The following UBN1 variants were observed in gnomAD, a reference collection of about 807,000 sequenced individuals.
UBN1 encodes ubinuclein 1.
A neutral mutation model predicts 108.5 loss-of-function variants in UBN1; 17 were observed. That is an observed-to-expected ratio of 0.16 (90% confidence interval 0.11 to 0.24). UBN1 has a LOEUF of 0.24. Among genes scored for constraint, UBN1 ranks in the 10% least tolerant of loss-of-function variants. UBN1 has a pLI of 1.00. For synonymous variants in UBN1, 726 were observed against 564.2 expected, an observed-to-expected ratio of 1.29 and a Z score of -4.07; for missense variants, 1,595 against 1,394.4, an observed-to-expected ratio of 1.14 and a Z score of -2.29.
chr16:4,849,034 AG>A (rs2086376366), intron 1 of UBN1, among the ~76,000 whole-genome samples: 1 of 152,152 alleles, frequency 6.6e-6, no homozygotes, highest in East Asian at 1.9e-4. Flanking sequence ...CGGGAAGCGG[AG>A]GTTGCCGTGA....
chr16:4,868,307 C>A (rs767100544), intron 7 of UBN1, among the ~76,000 whole-genome samples: 1 of 152,156 alleles, frequency 6.6e-6, no homozygotes, highest in Non-Finnish European at 1.5e-5. Flanking sequence ...GTTAATTATT[C>A]ACATGGTCTG....
chr16:4,875,067 C>G lies in UBN1; in HGVS notation c.2657C>G (p.Pro886Arg). ...PASSSSALSH[P>R]AKPHSVSSAG... ...TCGTCCTCTTCTGCCCTGAGCCATC[C>G]AGCAAAGCCACATTCAGTCAGCTCT... is the stretch of plus-strand genomic sequence containing the variant. Residue 886 changes from proline to arginine, a missense_variant, in exon 15 of 18, where the codon CCA becomes CGA. This residue lies in a region of UBN1 where 1,398 missense variants were observed against 1,194.7 expected (regional missense o/e 1.17). Coordinates refer to ENST00000262376, the MANE Select transcript of UBN1 (RefSeq NM_001079514.3). 1 of 1,614,032 alleles carries G rather than the reference C, an allele frequency of 6.2e-7. No homozygotes were observed. Among genetic ancestry groups the G allele is most frequent in the Non-Finnish European group, 8.5e-7 (1 of 1,180,042 alleles).
chr16:4,867,010 C>T (rs1174986529), intron 7 of UBN1, among the ~76,000 whole-genome samples: 1 of 152,186 alleles, frequency 6.6e-6, no homozygotes, highest in African/African-American at 2.4e-5. Context: ...TCGCCGGCCT[C>T]CTGGGGAAGA....
In UBN1 at chr16:4,874,783, C is replaced by T. The variant is rs758003504; in HGVS notation, c.2373C>T (p.His791=). Residue 791 remains histidine (H), a synonymous_variant, in exon 15 of 18, where the codon CAC becomes CAT. Transcript: ENST00000262376. ...ACCACAGCTTGCCACGGACGTCTCA[C>T]GGGCCCCAAGTGGCAGTTCCTGTGC... is the stretch of plus-strand genomic sequence containing the variant. ...AKHHSLPRTS[H]GPQVAVPVPG... is the part of the protein sequence containing the mutation. 30 of 1,613,970 alleles carry T rather than the reference C, an allele frequency of 1.9e-5. No individual in the cohort carries two copies. Among genetic ancestry groups the T allele is most frequent in the East Asian group, 4.5e-5 (2 of 44,888 alleles).
chr16:4,873,251 A>T (rs2087728898), intron 14 of UBN1, among the ~76,000 whole-genome samples, 178 bp downstream of exon 14: 1 of 152,150 alleles, frequency 6.6e-6, no homozygotes, highest in Non-Finnish European at 1.5e-5. Flanking sequence ...ACCCCCCTCT[A>T]GCCTTGGTTC....
intron 2 of UBN1, among the ~76,000 whole-genome samples, chr16:4,857,313 T>C (rs564837687): frequency 6.7e-6 from 1 of 149,790 alleles, no homozygotes; most frequent in South Asian, 2.1e-4. Context: ...ATTGTGCCAC[T>C]GCACTGCAGC....
At chr16:4,871,390 C>T in intron 12 of UBN1, 89 bp downstream of exon 12, 2 of 1,526,124 alleles carry the variant, frequency 1.3e-6, no homozygotes, top group Non-Finnish European at 1.8e-6. Context: ...TCCTTGCTCA[C>T]AGGGAGTCAC....
In UBN1 at chr16:4,877,012, C is replaced by T. The variant is rs1246241401; in HGVS notation, c.3166C>T (p.Leu1056Phe). 4 of 1,614,202 alleles carry T rather than the reference C, an allele frequency of 2.5e-6. No individual in the cohort carries two copies. The highest frequency in any genetic ancestry group is 3.4e-6 in the Non-Finnish European group (4 of 1,180,044). The part of the protein sequence containing the change: ...ITPVPIPVHV[L>F]SFSADSSAKA... ...CCCTGTCCCTATTCCTGTCCATGTG[C>T]TCTCCTTCAGCGCTGACTCCTCTGC... Residue 1056 changes from leucine to phenylalanine, a missense_variant, in exon 16 of 18, where the codon CTC becomes TTC. Transcript: ENST00000262376. The surrounding 1 kb of genome is among the most constrained non-coding windows in gnomAD (Gnocchi z 4.3).
At chr16:4,853,273 T>G in intron 2 of UBN1, 107 bp downstream of exon 2, 2 of 1,452,646 alleles carry the variant, frequency 1.4e-6, no homozygotes, top group South Asian at 1.4e-5. Flanking sequence ...AGGTTTTGGC[T>G]GCCCCAAGAT....
chr16:4,871,377 G>C (rs564521755), intron 12 of UBN1, 76 bp downstream of exon 12: 1 of 1,548,588 alleles, frequency 6.5e-7, no homozygotes, highest in East Asian at 2.3e-5. Context: ...CAGGCCAACA[G>C]GATCCTTGCT....
chr16:4,855,485 G>A (rs1181146720), intron 2 of UBN1, among the ~76,000 whole-genome samples: 1 of 151,756 alleles, frequency 6.6e-6, no homozygotes, highest in African/African-American at 2.4e-5. Flanking sequence ...GCATGATGGT[G>A]CATGCCTGAA....
chr16:4,870,465 G>C, intron 9 of UBN1, 51 bp from the exon 10 acceptor site: 1 of 1,613,100 alleles, frequency 6.2e-7, no homozygotes, highest in Non-Finnish European at 8.5e-7. Context: ...TGCGTCCTGA[G>C]CGTAAGAGCG....
intron 2 of UBN1, among the ~76,000 whole-genome samples, chr16:4,854,860 C>G (rs2086725925): frequency 2.0e-5 from 3 of 151,244 alleles, no homozygotes; most frequent in Admixed American, 6.6e-5. Context: ...GTAGCTGGGA[C>G]TACAGGCGCC....
At chr16:4,849,578 G>C (rs547980493) in intron 1 of UBN1, among the ~76,000 whole-genome samples, 129 of 151,434 alleles carry the variant, frequency 8.5e-4, no homozygotes, top group African/African-American at 3.0e-3. Context: ...GTTTTTAAAG[G>C]GGGATCTTTG....
intron 2 of UBN1, among the ~76,000 whole-genome samples, chr16:4,853,712 C>T (rs955871202): frequency 2.6e-5 from 4 of 152,084 alleles, no homozygotes; most frequent in Non-Finnish European, 5.9e-5. Context: ...CAGGTGCACG[C>T]CACCACACCC....
At chr16:4,870,181 C>T (rs908475022) in intron 8 of UBN1, 31 bp from the exon 9 acceptor site, 3 of 1,613,240 alleles carry the variant, frequency 1.9e-6, no homozygotes, top group Non-Finnish European at 8.5e-7. Flanking sequence ...CAGTGAGCTG[C>T]AGCCGGTGGT....
At position 4,877,934 on chromosome 16, in the gene UBN1, T is replaced by A; in HGVS notation, c.3355+460T>A. 2 of 764,720 alleles carry A rather than the reference T, an allele frequency of 2.6e-6. No homozygotes were observed. The highest frequency in any genetic ancestry group is 1.6e-6 in the Non-Finnish European group (1 of 628,588). 47.4% of individuals were successfully genotyped at this position (764,720 alleles called of 1,614,324 possible). A position where few individuals can be genotyped will look rare whatever the true frequency, so the allele number is the denominator to read the frequency against. ...AAGGCTCTCTAAACTTTGTTTCCAT[T>A]AAAGGGAAAATCCAGGTAGCAGCCA... On this transcript the variant is annotated intron_variant, in intron 17 of 17. Coordinates refer to ENST00000262376, the MANE Select transcript of UBN1 (RefSeq NM_001079514.3). This position sits in a 1 kb window ranked among gnomAD's most constrained non-coding sequence, Gnocchi z 4.3.
chr16:4,877,266 G>A lies in UBN1; in HGVS notation c.3266-119G>A, dbSNP rs1291118174. 2 of 1,514,704 alleles carry A rather than the reference G, an allele frequency of 1.3e-6. No homozygotes were observed. Among genetic ancestry groups the A allele is most frequent in the Non-Finnish European group, 1.8e-6 (2 of 1,127,872 alleles). 93.8% of individuals were successfully genotyped at this position (1,514,704 alleles called of 1,614,324 possible). A position where few individuals can be genotyped will look rare whatever the true frequency, so the allele number is the denominator to read the frequency against. On this transcript the variant is annotated intron_variant, in intron 16 of 17. Transcript: ENST00000262376. The surrounding 1 kb of genome is among the most constrained non-coding windows in gnomAD (Gnocchi z 4.3). ...TGCCAAGCCCCCACTGCCCCTTTGG[G>A]TGTGGTGCCCAGACTGGCCTGGCAG...
intron 14 of UBN1, among the ~76,000 whole-genome samples, chr16:4,873,726 C>G (rs375484166): frequency 6.6e-6 from 1 of 152,192 alleles, no homozygotes; most frequent in African/African-American, 2.4e-5. Context: ...AAGGATTAGA[C>G]CCCATTCCTG....
Sources: allele counts gnomAD v4.1 joint callset (sites outside exome capture counted in the v4.1 genomes callset), GRCh38; gene constraint gnomAD v4.1.1; regional missense constraint gnomAD v4.1.1; non-coding constraint Gnocchi (gnomAD v3.1); transcripts MANE v1.5; gene names NCBI Gene and HGNC (gene_info 2026-07-23, HGNC 2026-07-21).